The following AOC1 variants were observed in gnomAD, a reference collection of about 807,000 sequenced individuals.
The protein encoded by AOC1 is diamine oxidase [copper-containing].
In AOC1, 58 loss-of-function variants were observed where a neutral mutation model predicts 57.1. The ratio of observed to expected loss-of-function variants is 1.02; its 90% CI spans 0.82 to 1.26. AOC1 has a LOEUF of 1.26. Ranked by LOEUF, AOC1 falls within the 50% of genes most tolerant of loss-of-function variation. The pLI is 0.00. For missense variants in AOC1, 917 were observed against 1,005.3 expected, an observed-to-expected ratio of 0.91 and a Z score of 1.19; for synonymous variants, 401 against 423.4, an observed-to-expected ratio of 0.95 and a Z score of 0.65.
Position 150,857,062 on chromosome 7 carries a change from C to A in AOC1, c.592C>A (p.Arg198Ser). 6.2e-7 allele frequency: 1 copy of A among 1,614,116 alleles called. No individual in the cohort carries two copies. Among genetic ancestry groups the A allele is most frequent in the Non-Finnish European group, 8.5e-7 (1 of 1,179,992 alleles). The change falls in exon 2 of 5, where the codon CGC (arginine) becomes AGC (serine). Residue 198 changes from arginine to serine, a missense_variant. Coordinates refer to ENST00000360937, the MANE Select transcript of AOC1 (RefSeq NM_001091.4). This position sits in a 1 kb window ranked among gnomAD's most constrained non-coding sequence, Gnocchi z 6.6. Reference protein sequence around the residue: ...APRGVASGQRRSWLIIQRYVE... With the variant: ...APRGVASGQRSSWLIIQRYVE... Reference sequence around the variant, plus strand: ...CCGGGGTGTGGCTTCTGGCCAGCGCCGCAGTTGGCTTATCATACAGCGCTA... The same window carrying A: ...CCGGGGTGTGGCTTCTGGCCAGCGCAGCAGTTGGCTTATCATACAGCGCTA...
chr7:150,857,883 C>G lies in AOC1; in HGVS notation c.1413C>G (p.Pro471=). The part of the protein sequence containing the change: ...YDYIWDFIFY[P]NGVMEAKMHA... Reference sequence around the variant, plus strand: ...ACATTTGGGACTTTATCTTCTACCCCAACGGGGTGATGGAGGCCAAGATGC... The same window carrying G: ...ACATTTGGGACTTTATCTTCTACCCGAACGGGGTGATGGAGGCCAAGATGC... Residue 471 remains proline (P), a synonymous_variant, in exon 2 of 5, where the codon CCC becomes CCG. Transcript: ENST00000360937. This position sits in a 1 kb window ranked among gnomAD's most constrained non-coding sequence, Gnocchi z 6.6. 2.5e-6 allele frequency: 4 copies of G among 1,613,752 alleles called. No individual in the cohort carries two copies. Among genetic ancestry groups the G allele is most frequent in the Non-Finnish European group, 3.4e-6 (4 of 1,179,742 alleles).
At position 150,857,637 on chromosome 7, in the gene AOC1, C is replaced by T. The variant is rs1799829268; in HGVS notation, c.1167C>T (p.Ile389=). 1.9e-6 allele frequency: 3 copies of T among 1,613,946 alleles called. No homozygotes were observed. The highest frequency in any genetic ancestry group is 2.5e-6 in the Non-Finnish European group (3 of 1,180,002). Residue 389 remains isoleucine, a synonymous_variant, in exon 2 of 5, where the codon ATC becomes ATT. Transcript: ENST00000360937. This position sits in a 1 kb window ranked among gnomAD's most constrained non-coding sequence, Gnocchi z 6.6. The part of the protein sequence containing the change: ...GSVTHELAPG[I]DCPETATFLD... The stretch of plus-strand genomic sequence containing the variant: ...TCACTCATGAGTTAGCCCCCGGCAT[C>T]GACTGCCCGGAGACCGCCACCTTCC...
chr7:150,853,118 C>T (rs947022335), intron 1 of AOC1, among the ~76,000 whole-genome samples: 32 of 152,182 alleles, frequency 2.1e-4, no homozygotes, highest in African/African-American at 7.7e-4. Flanking sequence ...GCTAGGGTTT[C>T]GGAGGAAGAG....
At chr7:150,858,684 T>G in intron 2 of AOC1, 79 bp from the exon 3 acceptor site, 5 of 1,430,868 alleles carry the variant, frequency 3.5e-6, no homozygotes, top group Non-Finnish European at 3.8e-6. Flanking sequence ...TGGTGGAGGA[T>G]GGAGATCCTG....
At position 150,860,579 on chromosome 7, in the gene AOC1, C is replaced by G; in HGVS notation, c.1935C>G (p.His645Gln). The G allele has an allele frequency of 1.2e-6, 2 of 1,614,024 alleles. No homozygotes were observed. Among genetic ancestry groups the G allele is most frequent in the Non-Finnish European group, 1.7e-6 (2 of 1,179,926 alleles). The change falls in exon 4 of 5, where the codon CAC becomes CAG. Residue 645 changes from histidine to glutamine, a missense_variant. By Grantham distance (24) the His-to-Gln change is conservative (BLOSUM62 0). Transcript: ENST00000360937. ...SSIYHQNDPW[H>Q]PPVVFEQFLH... ...TCTACCACCAGAACGACCCCTGGCA[C>G]CCGCCCGTGGTCTTTGAGCAGTTTC...
At position 150,856,446 on chromosome 7, in the gene AOC1, G is replaced by T. The variant is rs1420995664; in HGVS notation, c.-16-9G>T. 1 of 1,596,844 alleles carries T rather than the reference G, an allele frequency of 6.3e-7. No homozygotes were observed. Among genetic ancestry groups the T allele is most frequent in the Non-Finnish European group, 8.5e-7 (1 of 1,173,640 alleles). ...GACAACTAAGTTCATCTCCTCTATT[G>T]CATTCCAGAGCCGTGGAGCGAGAGA... On this transcript the variant is annotated splice_polypyrimidine_tract_variant and intron_variant, in intron 1 of 4. Coordinates refer to ENST00000360937, the MANE Select transcript of AOC1 (RefSeq NM_001091.4). This position sits in a 1 kb window ranked among gnomAD's most constrained non-coding sequence, Gnocchi z 5.2.
At position 150,861,263 on chromosome 7, in the gene AOC1, G is replaced by T; in HGVS notation, c.*54G>T. 6.6e-7 allele frequency: 1 copy of T among 1,511,424 alleles called. No homozygotes were observed. Among genetic ancestry groups the T allele is most frequent in the Non-Finnish European group, 8.9e-7 (1 of 1,125,024 alleles). 93.6% of individuals were successfully genotyped at this position (1,511,424 alleles called of 1,614,324 possible). A position where few individuals can be genotyped will look rare whatever the true frequency, so the allele number is the denominator to read the frequency against. ...CCCAGGAAGCCCAGGAGCCTCACTGGGGCAGACAATAAACCCTCAGAGCCT... is the reference window on the plus strand; with the variant it reads ...CCCAGGAAGCCCAGGAGCCTCACTGTGGCAGACAATAAACCCTCAGAGCCT... On this transcript the variant is annotated 3_prime_UTR_variant, in exon 5 of 5. Transcript: ENST00000360937. The surrounding 1 kb of genome is among the most constrained non-coding windows in gnomAD (Gnocchi z 4.5).
Position 150,856,814 on chromosome 7 carries a change from C to T in AOC1, c.344C>T (p.Ala115Val). The change falls in exon 2 of 5, where the codon GCT (alanine) becomes GTT (valine). Residue 115 changes from alanine (A) to valine (V), a missense_variant. Physicochemically the swap from Ala to Val is moderately conservative, Grantham distance 64. Coordinates refer to ENST00000360937, the MANE Select transcript of AOC1 (RefSeq NM_001091.4). This position sits in a 1 kb window ranked among gnomAD's most constrained non-coding sequence, Gnocchi z 5.2. ...DQEHPNVTEF[A>V]VGPLPGPCYM... ...GAGCATCCCAATGTCACCGAGTTTG[C>T]TGTGGGGCCCCTGCCAGGGCCCTGC... 6.2e-7 allele frequency: 1 copy of T among 1,614,090 alleles called. No homozygotes were observed. The highest frequency in any genetic ancestry group is 8.5e-7 in the Non-Finnish European group (1 of 1,179,972).
At position 150,857,307 on chromosome 7, in the gene AOC1, G is replaced by GT. The variant is rs763363948; in HGVS notation, c.837_838insT (p.Pro280SerfsTer70). ...AGGGGCATGACAGCACAGAGGAGCCGCCCCTCTTCTCCTCCCACAAGCCCC... is the reference window on the plus strand; with the variant it reads ...AGGGGCATGACAGCACAGAGGAGCCGTCCCCTCTTCTCCTCCCACAAGCCCC... On this transcript the variant is annotated frameshift_variant, in exon 2 of 5. Coordinates refer to ENST00000360937, the MANE Select transcript of AOC1 (RefSeq NM_001091.4). LOFTEE classifies it high-confidence loss of function. This position sits in a 1 kb window ranked among gnomAD's most constrained non-coding sequence, Gnocchi z 6.6. 2 of 1,596,504 alleles carry GT rather than the reference G, an allele frequency of 1.3e-6. No individual in the cohort carries two copies. The highest frequency in any genetic ancestry group is 1.7e-6 in the Non-Finnish European group (2 of 1,170,062).
At chr7:150,859,159 CAT>C in intron 3 of AOC1, 111 bp downstream of exon 3, 194 of 1,219,444 alleles carry the variant, frequency 1.6e-4, no homozygotes, top group Middle Eastern at 5.7e-4. Context: ...TGGATATACA[CAT>C]ATACGTATGT....
intron 1 of AOC1, among the ~76,000 whole-genome samples, chr7:150,855,536 G>C (rs1012054192): frequency 6.6e-6 from 1 of 152,140 alleles, no homozygotes; most frequent in Non-Finnish European, 1.5e-5. Context: ...AAAGGAAAAG[G>C]CATCTTCCTA....
At position 150,861,007 on chromosome 7, in the gene AOC1, C is replaced by G. The variant is rs746524553; in HGVS notation, c.2054C>G (p.Thr685Arg). ...CCCCACTCAGAGGACATTCCCAACA[C>G]AGCCACACCTGGGAACTCCGTGGGC... is the stretch of plus-strand genomic sequence containing the variant. ...HIPHSEDIPN[T>R]ATPGNSVGFL... Residue 685 changes from threonine (T) to arginine (R), a missense_variant, in exon 5 of 5, where the codon ACA (threonine) becomes AGA (arginine). Thr to Arg is a moderately conservative substitution (Grantham distance 71). Transcript: ENST00000360937. The surrounding 1 kb of genome is among the most constrained non-coding windows in gnomAD (Gnocchi z 4.5). The G allele has an allele frequency of 3.1e-6, 5 of 1,613,918 alleles. No individual in the cohort carries two copies. In the African/African-American group the frequency reaches 5.3e-5, roughly 17 times the overall value.
rs772135446 is a variant in AOC1 at position 150,856,469 on chromosome 7, A to G, written c.-2A>G. 1.2e-6 allele frequency: 2 copies of G among 1,610,496 alleles called. No homozygotes were observed. The highest frequency in any genetic ancestry group is 1.1e-5 in the South Asian group (1 of 90,688). On this transcript the variant is annotated 5_prime_UTR_variant, in exon 2 of 5. Transcript: ENST00000360937. This position sits in a 1 kb window ranked among gnomAD's most constrained non-coding sequence, Gnocchi z 5.2. ...TTGCATTCCAGAGCCGTGGAGCGAGAGATGCCGGCCCTGGGCTGGGCCGTG... is the reference window on the plus strand; with the variant it reads ...TTGCATTCCAGAGCCGTGGAGCGAGGGATGCCGGCCCTGGGCTGGGCCGTG...
intron 3 of AOC1, 118 bp downstream of exon 3, chr7:150,859,166 G>A (rs1799889310): frequency 1.6e-5 from 17 of 1,096,598 alleles, no homozygotes; most frequent in Non-Finnish European, 1.9e-5. Context: ...ACACATATAC[G>A]TATGTGTATA....
chr7:150,856,510 C>T lies in AOC1; in HGVS notation c.40C>T (p.Leu14=). 6.2e-7 allele frequency: 1 copy of T among 1,613,930 alleles called. No individual in the cohort carries two copies. Among genetic ancestry groups the T allele is most frequent in the Non-Finnish European group, 8.5e-7 (1 of 1,179,928 alleles). ...LGWAVAAILM[L]QTAMAEPSPG... ...CTGGGCCGTGGCTGCCATCCTGATG[C>T]TGCAGACGGCCATGGCGGAGCCCTC... The change falls in exon 2 of 5, where the codon CTG becomes TTG. Residue 14 remains leucine, a synonymous_variant. Transcript: ENST00000360937. The surrounding 1 kb of genome is among the most constrained non-coding windows in gnomAD (Gnocchi z 5.2).
In AOC1 at chr7:150,861,260, C is replaced by T. The variant is rs1162625137; in HGVS notation, c.*51C>T. Reference sequence around the variant, plus strand: ...CCTCCCAGGAAGCCCAGGAGCCTCACTGGGGCAGACAATAAACCCTCAGAG... The same window carrying T: ...CCTCCCAGGAAGCCCAGGAGCCTCATTGGGGCAGACAATAAACCCTCAGAG... On this transcript the variant is annotated 3_prime_UTR_variant, in exon 5 of 5. Coordinates refer to ENST00000360937, the MANE Select transcript of AOC1 (RefSeq NM_001091.4). The surrounding 1 kb of genome is among the most constrained non-coding windows in gnomAD (Gnocchi z 4.5). The T allele has an allele frequency of 2.6e-6, 4 of 1,513,230 alleles. No homozygotes were observed. The highest frequency in any genetic ancestry group is 1.3e-5 in the South Asian group (1 of 76,716). The allele number at this position is 1,513,230 out of a possible 1,614,324, so 93.7% of individuals were successfully genotyped here. A position where few individuals can be genotyped will look rare whatever the true frequency, so the allele number is the denominator to read the frequency against.
intron 2 of AOC1, among the ~76,000 whole-genome samples, chr7:150,858,356 G>A (rs913892892): frequency 6.6e-6 from 1 of 152,116 alleles, no homozygotes; most frequent in African/African-American, 2.4e-5. Flanking sequence ...GTGTAGTATT[G>A]TCTGGGAATA....
In AOC1 at chr7:150,861,338, A is replaced by T. The variant is rs529449169; in HGVS notation, c.*129A>T. ...GGAGGCACAGGGCCATGTGTGTAGG[A>T]AACACACGAACAGACGTGCACACAC... On this transcript the variant is annotated 3_prime_UTR_variant, in exon 5 of 5. Transcript: ENST00000360937. This position sits in a 1 kb window ranked among gnomAD's most constrained non-coding sequence, Gnocchi z 4.5. The T allele has an allele frequency of 8.8e-7, 1 of 1,139,472 alleles. No individual in the cohort carries two copies. Among genetic ancestry groups the T allele is most frequent in the African/African-American group, 1.7e-5 (1 of 59,832 alleles). The allele number at this position is 1,139,472 out of a possible 1,614,324, so 70.6% of individuals were successfully genotyped here. A position where few individuals can be genotyped will look rare whatever the true frequency, so the allele number is the denominator to read the frequency against.
At position 150,856,655 on chromosome 7, in the gene AOC1, C is replaced by T. The variant is rs1455758997; in HGVS notation, c.185C>T (p.Thr62Ile). ...CTGAGGCTGCAGCCCTCCAGTACCA[C>T]CACCATGGCCAAGAACACCGTGTTT... ...KELRLQPSST[T>I]TMAKNTVFLI... The change falls in exon 2 of 5, where the codon ACC becomes ATC. Residue 62 changes from threonine (T) to isoleucine (I), a missense_variant. Transcript: ENST00000360937. This position sits in a 1 kb window ranked among gnomAD's most constrained non-coding sequence, Gnocchi z 5.2. 15 of 1,614,054 alleles carry T rather than the reference C, an allele frequency of 9.3e-6. No homozygotes were observed. The highest frequency in any genetic ancestry group is 1.0e-5 in the Non-Finnish European group (12 of 1,179,990).
Sources: allele counts gnomAD v4.1 joint callset (sites outside exome capture counted in the v4.1 genomes callset), GRCh38; gene constraint gnomAD v4.1.1; non-coding constraint Gnocchi (gnomAD v3.1); transcripts MANE v1.5; gene names NCBI Gene and HGNC (gene_info 2026-07-23, HGNC 2026-07-21).